Variants in LIN54 observed in about 807,000 individuals in gnomAD.
LIN54 encodes the protein protein lin-54 homolog.
A neutral mutation model predicts 78.7 loss-of-function variants in LIN54; 9 were observed. The observed-to-expected ratio is 0.11, with a 90% CI of 0.07 to 0.20. The LOEUF (loss-of-function observed/expected upper bound fraction) is 0.20, where lower values mean the gene tolerates loss of function less well. Ranked by LOEUF, LIN54 falls within the 10% of genes least tolerant of loss-of-function variation. The pLI, the probability that LIN54 is intolerant of heterozygous loss-of-function variation, is 1.00. For synonymous variants in LIN54, 269 were observed against 318.4 expected (o/e 0.84, Z 1.65); for missense variants, 573 against 889.9 (o/e 0.64, Z 4.53).
intron 4 of LIN54, among the ~76,000 whole-genome samples, chr4:82,964,755 G>C (rs1253946393): frequency 6.6e-6 from 1 of 152,218 alleles, no homozygotes; most frequent in Non-Finnish European, 1.5e-5. Flanking sequence ...GGCCGGTGCA[G>C]TGGCTCATGC....
chr4:83,000,133 A>T (rs1728629370), intron 1 of LIN54, among the ~76,000 whole-genome samples: 1 of 152,094 alleles, frequency 6.6e-6, no homozygotes, highest in Non-Finnish European at 1.5e-5. Context: ...GGCTCAAGTG[A>T]TCCTCCTGCC....
At chr4:82,987,815 A>G (rs1382968785) in intron 1 of LIN54, among the ~76,000 whole-genome samples, 1 of 152,162 alleles carries the variant, frequency 6.6e-6, no homozygotes, top group Non-Finnish European at 1.5e-5. Flanking sequence ...TGTCTTTGCT[A>G]TTGTAAATAG....
In LIN54 at chr4:82,995,759, A is replaced by G. The variant is rs544727798; in HGVS notation, c.-32-10883T>C. Among the ~76,000 whole-genome samples the G allele has an allele frequency of 1.1e-3, 163 of 151,774 alleles. 1 individual carries two copies. The highest frequency in any genetic ancestry group is 6.8e-3 in the Middle Eastern group (2 of 294). On this transcript the variant is annotated intron_variant, in intron 1 of 12. Coordinates refer to ENST00000340417, the MANE Select transcript of LIN54 (RefSeq NM_194282.4). ...ATCCACCCACCCGCCTCGGTCTCCC[A>G]AAGTGCTGGGATTACAGGCGTCAGC...
At chr4:82,961,153 T>C (rs1724757984) in intron 4 of LIN54, among the ~76,000 whole-genome samples, 1 of 152,218 alleles carries the variant, frequency 6.6e-6, no homozygotes, top group Admixed American at 6.5e-5. Context: ...GATGGGCTAT[T>C]TGGAGAGAAG....
In LIN54 at chr4:83,010,489, G is replaced by A; in HGVS notation, c.-38C>T. The stretch of plus-strand genomic sequence containing the variant: ...GGTACCCCATCCTCCTCTACCTCCA[G>A]CGGCTGCCGCTTTCTCCTCCCTCGG... On this transcript the variant is annotated 5_prime_UTR_variant, in exon 1 of 13. Coordinates refer to ENST00000340417, the MANE Select transcript of LIN54 (RefSeq NM_194282.4). 1 of 988,798 alleles carries A rather than the reference G, an allele frequency of 1.0e-6. No individual in the cohort carries two copies. The highest frequency in any genetic ancestry group is 1.9e-5 in the African/African-American group (1 of 51,924). 61.3% of individuals were successfully genotyped at this position (988,798 alleles called of 1,614,324 possible).
intron 3 of LIN54, among the ~76,000 whole-genome samples, chr4:82,972,199 C>T (rs778392118): frequency 6.6e-6 from 1 of 152,080 alleles, no homozygotes; most frequent in Non-Finnish European, 1.5e-5. Context: ...GGACCACAGG[C>T]ACGTGCCACC....
At position 82,925,164 on chromosome 4, in the gene LIN54, C is replaced by T. The variant is rs534990865; in HGVS notation, c.*2938G>A. On this transcript the variant is annotated 3_prime_UTR_variant, in exon 13 of 13. Coordinates refer to ENST00000340417, the MANE Select transcript of LIN54 (RefSeq NM_194282.4). ...AAAAAAAGGAAACTAAGAAAGATAG[C>T]TATCATAAGAACATTTCACATTAAA... 1 of 152,474 alleles carries T rather than the reference C, an allele frequency of 6.6e-6. No homozygotes were observed. The highest frequency in any genetic ancestry group is 1.5e-5 in the Non-Finnish European group (1 of 67,998). 9.4% of individuals were successfully genotyped at this position (152,474 alleles called of 1,614,324 possible). A position where few individuals can be genotyped will look rare whatever the true frequency, so the allele number is the denominator to read the frequency against.
chr4:82,942,888 A>C (rs1316344474), intron 5 of LIN54, among the ~76,000 whole-genome samples: 10 of 141,154 alleles, frequency 7.1e-5, no homozygotes, highest in Admixed American at 2.8e-4. Context: ...ACACACACAC[A>C]CACACCCTCC....
intron 11 of LIN54, among the ~76,000 whole-genome samples, chr4:82,935,476 C>T (rs374640412): frequency 3.3e-5 from 5 of 151,516 alleles, no homozygotes; most frequent in Non-Finnish European, 5.9e-5. Flanking sequence ...TTAGTACAGA[C>T]GGGGTTTCAC....
chr4:82,984,925 T>C, intron 1 of LIN54, 49 bp from the exon 2 acceptor site: 1 of 1,353,936 alleles, frequency 7.4e-7, no homozygotes, highest in Non-Finnish European at 1.0e-6. Context: ...TCAAAAGATG[T>C]AAGAAAAAAA....
upstream of LIN54, among the ~76,000 whole-genome samples, chr4:83,012,620 G>A (rs1470575609): frequency 6.6e-6 from 1 of 152,028 alleles, no homozygotes; most frequent in Non-Finnish European, 1.5e-5. Flanking sequence ...TTCAGGGAAG[G>A]GGCGCGGCGG....
rs753497966 is a variant in LIN54 at position 82,928,212 on chromosome 4, A to C, written c.2140T>G (p.Ser714Ala). The change falls in exon 13 of 13, where the codon TCA becomes GCA. Residue 714 changes from serine (S) to alanine (A), a missense_variant. Physicochemically the swap from Ser to Ala is moderately conservative, Grantham distance 99. Transcript: ENST00000340417. Reference protein sequence around the residue: ...QAEQADKKGKSKAAAERMILE... With the variant: ...QAEQADKKGKAKAAAERMILE... Reference sequence around the variant, plus strand: ...ATCATCCGTTCCGCTGCTGCCTTTGATTTTCCCTTCTTGTCTGCCTGCTCT... The same window carrying C: ...ATCATCCGTTCCGCTGCTGCCTTTGCTTTTCCCTTCTTGTCTGCCTGCTCT... 5 of 1,614,098 alleles carry C rather than the reference A, an allele frequency of 3.1e-6. No homozygotes were observed. In the South Asian group the frequency reaches 5.5e-5, roughly 18 times the overall value.
intron 8 of LIN54, among the ~76,000 whole-genome samples, chr4:82,937,695 G>A (rs539158367): frequency 6.6e-6 from 1 of 152,348 alleles, no homozygotes; most frequent in Admixed American, 6.5e-5. Flanking sequence ...GTGAGGAAAA[G>A]GAGTGTGTGG....
chr4:82,980,726 C>G (rs1373807435), intron 2 of LIN54, among the ~76,000 whole-genome samples: 2 of 151,960 alleles, frequency 1.3e-5, no homozygotes. Flanking sequence ...TAAAGTCAGT[C>G]AAAATTGTAT....
intron 9 of LIN54, among the ~76,000 whole-genome samples, chr4:82,936,705 G>T (rs373633500): frequency 1.3e-5 from 2 of 152,014 alleles, no homozygotes; most frequent in South Asian, 2.1e-4. Context: ...CCAAAGTAAG[G>T]CATTTCAAAA....
rs533275723 is a variant in LIN54, at chr4:82,977,895, A to C, written c.808+988T>G. Among the ~76,000 whole-genome samples, 24 of 152,298 alleles carry C rather than the reference A, an allele frequency of 1.6e-4. No individual in the cohort carries two copies. In the East Asian group the frequency reaches 4.6e-3, roughly 29 times the overall value. On this transcript the variant is annotated intron_variant, in intron 3 of 12. Transcript: ENST00000340417. The stretch of plus-strand genomic sequence containing the variant: ...ATCACTTGGCTGTGTGCTTTTCTCT[A>C]AAAAACTTGAGCTGCTAGCCAAACA...
Position 82,935,968 on chromosome 4 carries a change from C to T in LIN54, c.1845+13G>A. 1.2e-6 allele frequency: 2 copies of T among 1,612,938 alleles called. No homozygotes were observed. Among genetic ancestry groups the T allele is most frequent in the East Asian group, 2.2e-5 (1 of 44,860 alleles). On this transcript the variant is annotated intron_variant, in intron 11 of 12. Transcript: ENST00000340417. ...TTTTTAAAAGATATTATTTTCCGCA[C>T]CCAGCATCTCACCTCATAGCATTCA...
intron 4 of LIN54, among the ~76,000 whole-genome samples, chr4:82,954,532 T>G (rs965642131): frequency 6.6e-6 from 1 of 152,052 alleles, no homozygotes; most frequent in African/African-American, 2.4e-5. Flanking sequence ...ACTCTCCCAC[T>G]TCAGCCTGCC....
rs547279801 is a variant in LIN54, at chr4:83,010,556, G to T, written c.-105C>A. 3.3e-6 allele frequency: 4 copies of T among 1,212,232 alleles called. No homozygotes were observed. The South Asian group carries it at 1.3e-4, about 39-fold the overall frequency. 75.1% of individuals were successfully genotyped at this position (1,212,232 alleles called of 1,614,324 possible). A position where few individuals can be genotyped will look rare whatever the true frequency, so the allele number is the denominator to read the frequency against. On this transcript the variant is annotated 5_prime_UTR_variant, in exon 1 of 13. Coordinates refer to ENST00000340417, the MANE Select transcript of LIN54 (RefSeq NM_194282.4). Reference sequence around the variant, plus strand: ...TCCAGAAGGTCCTGGGCAATCCCGAGCCCCGGCGGGGCTTGTTTTGCCCGT... The same window carrying T: ...TCCAGAAGGTCCTGGGCAATCCCGATCCCCGGCGGGGCTTGTTTTGCCCGT...
Sources: allele counts gnomAD v4.1 joint callset (sites outside exome capture counted in the v4.1 genomes callset), GRCh38; gene constraint gnomAD v4.1.1; transcripts MANE v1.5; gene names NCBI Gene and HGNC (gene_info 2026-07-23, HGNC 2026-07-21).